Variants in C2orf72 observed in about 807,000 individuals in gnomAD.
C2orf72 encodes chromosome 2 open reading frame 72, also known as uncharacterized protein C2orf72.
In C2orf72, 16 loss-of-function variants were observed where a neutral mutation model predicts 14.4. That is an observed-to-expected ratio of 1.11 (90% CI 0.75 to 1.69). C2orf72 has a LOEUF of 1.69. Among genes scored for constraint, C2orf72 ranks in the 40% most tolerant of loss-of-function variants. The pLI is 0.00. For synonymous variants in C2orf72, 168 were observed against 176.8 expected, an observed-to-expected ratio of 0.95 and a Z score of 0.40; for missense variants, 371 against 358.3, an observed-to-expected ratio of 1.04 and a Z score of -0.29.
Position 231,047,328 on chromosome 2 carries a change from G to A in C2orf72, c.*307G>A. Reference sequence around the variant, plus strand: ...GCTGTCCGCTTTGAGGCTCTGCAGAGCTGTGGCACCCCATGGTGTGTCTGC... The same window carrying A: ...GCTGTCCGCTTTGAGGCTCTGCAGAACTGTGGCACCCCATGGTGTGTCTGC... On this transcript the variant is annotated 3_prime_UTR_variant, in exon 3 of 3. Coordinates refer to ENST00000373640, the MANE Select transcript of C2orf72 (RefSeq NM_001144994.2). 2.0e-5 allele frequency: 9 copies of A among 441,646 alleles called. No individual in the cohort carries two copies. The highest frequency in any genetic ancestry group is 1.7e-4 in the South Asian group (9 of 52,326). The allele number at this position is 441,646 out of a possible 1,614,324, so 27.4% of individuals were successfully genotyped here.
intron 1 of C2orf72, among the ~76,000 whole-genome samples, chr2:231,038,445 A>T (rs1437773867): frequency 7.2e-6 from 1 of 139,534 alleles, no homozygotes; most frequent in African/African-American, 2.6e-5. Flanking sequence ...TGAGGGGCCG[A>T]GTAGAAGGCA....
At chr2:231,038,977 T>A (rs1263701229) in intron 1 of C2orf72, among the ~76,000 whole-genome samples, 1 of 152,132 alleles carries the variant, frequency 6.6e-6, no homozygotes. Flanking sequence ...GGTCAGGATC[T>A]CCTTCCTCCT....
intron 2 of C2orf72, among the ~76,000 whole-genome samples, chr2:231,045,605 G>A (rs866117501): frequency 2.3e-5 from 3 of 131,150 alleles, no homozygotes; most frequent in Admixed American, 9.1e-5. Context: ...TGCAAGCCCC[G>A]CCTCCCAGGT....
chr2:231,045,939 C>A (rs1693409709), intron 2 of C2orf72, among the ~76,000 whole-genome samples: 1 of 152,218 alleles, frequency 6.6e-6, no homozygotes, highest in South Asian at 2.1e-4. Context: ...CAATAACATA[C>A]TATAACTGCC....
chr2:231,037,652 C>T lies in C2orf72; in HGVS notation c.87C>T (p.Gly29=). The T allele has an allele frequency of 1.8e-6, 2 of 1,119,436 alleles. No individual in the cohort carries two copies. The highest frequency in any genetic ancestry group is 2.4e-5 in the South Asian group (1 of 40,878). 69.3% of individuals were successfully genotyped at this position (1,119,436 alleles called of 1,614,324 possible). A position where few individuals can be genotyped will look rare whatever the true frequency, so the allele number is the denominator to read the frequency against. Residue 29 remains glycine, a synonymous_variant, in exon 1 of 3, where the codon GGC becomes GGT. Transcript: ENST00000373640. ...PFQALVEAAG[G]RGQVLLVGEL... ...AGGCGTTGGTGGAAGCGGCGGGGGG[C>T]CGCGGGCAGGTGCTGCTGGTGGGCG...
At position 231,037,530 on chromosome 2, in the gene C2orf72, G is replaced by A; in HGVS notation, c.-36G>A. 2.0e-6 allele frequency: 2 copies of A among 998,384 alleles called. No individual in the cohort carries two copies. Among genetic ancestry groups the A allele is most frequent in the Non-Finnish European group, 2.4e-6 (2 of 840,326 alleles). The allele number at this position is 998,384 out of a possible 1,614,324, so 61.8% of individuals were successfully genotyped here. On this transcript the variant is annotated 5_prime_UTR_variant, in exon 1 of 3. Transcript: ENST00000373640. ...GAGAGGCGGGCAGCGGGTGCGCCCG[G>A]GCCGCGGCGGCCGCAGAGGGCGGGC...
In C2orf72 at chr2:231,041,331, C is replaced by A. The variant is rs908194892; in HGVS notation, c.670C>A (p.Leu224Met). The change falls in exon 2 of 3, where the codon CTG becomes ATG. Residue 224 changes from leucine to methionine, a missense_variant. Leu to Met is a conservative substitution (Grantham distance 15). Coordinates refer to ENST00000373640, the MANE Select transcript of C2orf72 (RefSeq NM_001144994.2). ...GAWERPGLPG[L>M]LACFSWGPWS... Reference sequence around the variant, plus strand: ...CTGGGAGAGGCCAGGCCTCCCCGGACTGCTAGCCTGCTTTTCCTGGGGTCC... The same window carrying A: ...CTGGGAGAGGCCAGGCCTCCCCGGAATGCTAGCCTGCTTTTCCTGGGGTCC... 1.7e-5 allele frequency: 27 copies of A among 1,551,390 alleles called. No individual in the cohort carries two copies. The highest frequency in any genetic ancestry group is 1.7e-4 in the Middle Eastern group (1 of 5,996).
At chr2:231,038,649 C>T (rs1693294022) in intron 1 of C2orf72, among the ~76,000 whole-genome samples, 1 of 152,170 alleles carries the variant, frequency 6.6e-6, no homozygotes, top group African/African-American at 2.4e-5. Context: ...GCTGCGCAGC[C>T]AGAGATGCGT....
chr2:231,044,352 T>C (rs1192876982), intron 2 of C2orf72, among the ~76,000 whole-genome samples: 2 of 152,240 alleles, frequency 1.3e-5, no homozygotes, highest in Non-Finnish European at 2.9e-5. Context: ...ATAAGCTTTT[T>C]GATTTTTTGG....
At position 231,047,457 on chromosome 2, in the gene C2orf72, T is replaced by G. The variant is rs1235453106; in HGVS notation, c.*436T>G. 3.2e-6 allele frequency: 1 copy of G among 316,306 alleles called. No individual in the cohort carries two copies. The allele number at this position is 316,306 out of a possible 1,614,324, so 19.6% of individuals were successfully genotyped here. On this transcript the variant is annotated 3_prime_UTR_variant, in exon 3 of 3. Coordinates refer to ENST00000373640, the MANE Select transcript of C2orf72 (RefSeq NM_001144994.2). ...TGAGGCATGGCCTTGAACATGTCAC[T>G]CAGTCTCTGGGGCTTCTGTTTCACA...
intron 2 of C2orf72, among the ~76,000 whole-genome samples, chr2:231,044,945 T>TTATATA (rs58611878): frequency 0.08 from 11,294 of 141,598 alleles, 524 homozygotes; most frequent in East Asian, 0.14. Context: ...ATATATATCT[T>TTATATA]TATATATATA....
At position 231,037,879 on chromosome 2, in the gene C2orf72, C is replaced by G. The variant is rs1448292875; in HGVS notation, c.314C>G (p.Pro105Arg). The G allele has an allele frequency of 2.0e-6, 2 of 988,560 alleles. No individual in the cohort carries two copies. Among genetic ancestry groups the G allele is most frequent in the Non-Finnish European group, 2.4e-6 (2 of 835,468 alleles). 61.2% of individuals were successfully genotyped at this position (988,560 alleles called of 1,614,324 possible). The change falls in exon 1 of 3, where the codon CCG (proline) becomes CGG (arginine). Residue 105 changes from proline to arginine, a missense_variant. Transcript: ENST00000373640. Reference protein sequence around the residue: ...AAAAARAIRSPLVFVLCRASS... With the variant: ...AAAAARAIRSRLVFVLCRASS... ...GCGGCGGCGCGCGCCATCCGCTCGC[C>G]GCTGGTCTTCGTGCTGTGCCGCGCG...
chr2:231,048,349 A>G lies in C2orf72; in HGVS notation c.*1328A>G, dbSNP rs996402323. ...CAGCAGACACACAACTGCGCCTACT[A>G]TTTGCTCGGTGCCCTGCAAGGTGCT... On this transcript the variant is annotated 3_prime_UTR_variant, in exon 3 of 3. Coordinates refer to ENST00000373640, the MANE Select transcript of C2orf72 (RefSeq NM_001144994.2). 1 of 152,218 alleles carries G rather than the reference A, an allele frequency of 6.6e-6. No homozygotes were observed. The highest frequency in any genetic ancestry group is 6.5e-5 in the Admixed American group (1 of 15,284). 9.4% of individuals were successfully genotyped at this position (152,218 alleles called of 1,614,324 possible).
Position 231,047,423 on chromosome 2 carries a change from C to T in C2orf72, c.*402C>T, listed in dbSNP as rs1693433358. The T allele has an allele frequency of 5.7e-6, 2 of 353,734 alleles. No homozygotes were observed. The highest frequency in any genetic ancestry group is 4.3e-5 in the South Asian group (2 of 46,822). 21.9% of individuals were successfully genotyped at this position (353,734 alleles called of 1,614,324 possible). A position where few individuals can be genotyped will look rare whatever the true frequency, so the allele number is the denominator to read the frequency against. On this transcript the variant is annotated 3_prime_UTR_variant, in exon 3 of 3. Transcript: ENST00000373640. ...CTGGGAAGAACTCTGAACCAGAAGTCATCAGAGCTGAGGCATGGCCTTGAA... is the reference window on the plus strand; with the variant it reads ...CTGGGAAGAACTCTGAACCAGAAGTTATCAGAGCTGAGGCATGGCCTTGAA...
chr2:231,046,764 A>G (rs1693423285), intron 2 of C2orf72, 118 bp from the exon 3 acceptor site: 2 of 1,027,306 alleles, frequency 1.9e-6, no homozygotes. Context: ...TTTGATATGT[A>G]TTTTGTTTTG....
chr2:231,037,656 G>C lies in C2orf72; in HGVS notation c.91G>C (p.Gly31Arg). The C allele has an allele frequency of 9.0e-7, 1 of 1,117,238 alleles. No individual in the cohort carries two copies. The allele number at this position is 1,117,238 out of a possible 1,614,324, so 69.2% of individuals were successfully genotyped here. Reference sequence around the variant, plus strand: ...GTTGGTGGAAGCGGCGGGGGGCCGCGGGCAGGTGCTGCTGGTGGGCGAGCT... The same window carrying C: ...GTTGGTGGAAGCGGCGGGGGGCCGCCGGCAGGTGCTGCTGGTGGGCGAGCT... ...QALVEAAGGRGQVLLVGELWE... is the reference protein window; with the variant it reads ...QALVEAAGGRRQVLLVGELWE... Residue 31 changes from glycine to arginine, a missense_variant, in exon 1 of 3, where the codon GGG (glycine) becomes CGG (arginine). Around this residue, in one of 3 missense-constraint regions of C2orf72, gnomAD observed 214 missense variants for 178.7 expected, o/e 1.20. Transcript: ENST00000373640.
rs187075934 is a variant in C2orf72, at chr2:231,044,420, A to G, written c.749-2462A>G. The stretch of plus-strand genomic sequence containing the variant: ...CTACTCCAGAGGCTGAGGCAGGAGG[A>G]TGGCTCGGGCCCAAGAGTTCGAGGC... On this transcript the variant is annotated intron_variant, in intron 2 of 2. Coordinates refer to ENST00000373640, the MANE Select transcript of C2orf72 (RefSeq NM_001144994.2). Among the ~76,000 whole-genome samples, 811 of 152,276 alleles carry G rather than the reference A, an allele frequency of 5.3e-3. 6 individuals carry two copies. The highest frequency in any genetic ancestry group is 0.018 in the African/African-American group (744 of 41,542).
rs1032285234 is a variant in C2orf72, at chr2:231,047,049, T to C, written c.*28T>C. ...GCTGGACCCTTGCGCTGTCCCTGGC[T>C]CTAACCTACAGACTGGGGCCTGGCT... On this transcript the variant is annotated 3_prime_UTR_variant, in exon 3 of 3. Coordinates refer to ENST00000373640, the MANE Select transcript of C2orf72 (RefSeq NM_001144994.2). 5 of 1,551,272 alleles carry C rather than the reference T, an allele frequency of 3.2e-6. No homozygotes were observed. The East Asian group carries it at 9.8e-5, about 30-fold the overall frequency.
At chr2:231,038,444 G>C (rs1194696838) in intron 1 of C2orf72, among the ~76,000 whole-genome samples, 1 of 144,672 alleles carries the variant, frequency 6.9e-6, no homozygotes, top group Non-Finnish European at 1.5e-5. Context: ...CTGAGGGGCC[G>C]AGTAGAAGGC....
Sources: gnomAD v4.1 joint callset for allele counts (sites outside exome capture counted in the v4.1 genomes callset) on GRCh38, gnomAD v4.1.1 for gene constraint, gnomAD v4.1.1 regional missense constraint, MANE v1.5 for transcripts, NCBI Gene and HGNC (gene_info 2026-07-23, HGNC 2026-07-21) for gene names.